The following MCM2 variants were observed in gnomAD, a reference collection of about 807,000 sequenced individuals.
MCM2 encodes the protein DNA replication licensing factor MCM2.
In MCM2, 49 loss-of-function variants were observed where a neutral mutation model predicts 86.4. The observed-to-expected ratio is 0.57, with a 90% CI of 0.45 to 0.72. The LOEUF is 0.72. MCM2 is among the 30% of genes least tolerant of loss of function. The pLI is 0.00. For missense variants in MCM2, 1,038 were observed against 1,259.9 expected (o/e 0.82, Z 2.67); for synonymous variants, 475 against 484.6 (o/e 0.98, Z 0.26).
chr3:127,604,897 C>T lies in MCM2; in HGVS notation c.414C>T (p.Asp138=). The T allele has an allele frequency of 1.2e-6, 2 of 1,608,494 alleles. No homozygotes were observed. The highest frequency in any genetic ancestry group is 1.1e-5 in the South Asian group (1 of 90,486). The change falls in exon 4 of 16, where the codon GAC becomes GAT. Residue 138 remains aspartate, a splice_region_variant and synonymous_variant. Transcript: ENST00000265056. ...LGRMRRGLLY[D]SDEEDEERPA... ...AGCAGGTGTCTCTTGCCTCCCCAGA[C>T]AGCGATGAGGAGGACGAGGAGCGCC...
At chr3:127,609,815 C>T (rs1024543928) in intron 8 of MCM2, among the ~76,000 whole-genome samples, 1 of 149,040 alleles carries the variant, frequency 6.7e-6, no homozygotes, top group Non-Finnish European at 1.5e-5. Context: ...TTCCTTCCTT[C>T]CTCTGTTTCT....
chr3:127,609,644 T>TA (rs34025059), intron 8 of MCM2, among the ~76,000 whole-genome samples: 1 of 151,992 alleles, frequency 6.6e-6, no homozygotes, highest in African/African-American at 2.4e-5. Context: ...ACATCCTTAC[T>TA]GAAGGATGAG....
rs2307313 is a variant in MCM2, at chr3:127,619,192, G to A, written c.2179G>A (p.Ala727Thr). The A allele has an allele frequency of 1.1e-3, 1,780 of 1,614,184 alleles. 15 individuals carry two copies. In the African/African-American group the frequency reaches 0.018, roughly 16 times the overall value. The change falls in exon 13 of 16, where the codon GCC becomes ACC. Residue 727 changes from alanine (A) to threonine (T), a missense_variant. Coordinates refer to ENST00000265056, the MANE Select transcript of MCM2 (RefSeq NM_004526.4). ...GGTCCTGAAGAAGTACATCATCTAC[G>A]CCAAGGAGAGGGTCCACCCGAAGCT... is the stretch of plus-strand genomic sequence containing the variant. ...QEVLKKYIIY[A>T]KERVHPKLNQ...
At chr3:127,610,583 G>A (rs1215484293) in intron 8 of MCM2, among the ~76,000 whole-genome samples, 1 of 152,012 alleles carries the variant, frequency 6.6e-6, no homozygotes, top group African/African-American at 2.4e-5. Flanking sequence ...CACATGCATG[G>A]TTTGTTCTGT....
chr3:127,616,395 G>T (rs2074432136), intron 9 of MCM2, among the ~76,000 whole-genome samples: 1 of 152,080 alleles, frequency 6.6e-6, no homozygotes, highest in African/African-American at 2.4e-5. Flanking sequence ...CAATTACACA[G>T]CAACCACAGG....
intron 8 of MCM2, chr3:127,610,998 G>C (rs2074390365): frequency 2.2e-6 from 1 of 455,802 alleles, no homozygotes; most frequent in Non-Finnish European, 4.4e-6. Context: ...GAGTAAGTCA[G>C]ACATGACCCT....
chr3:127,603,717 A>G (rs1432535601), intron 2 of MCM2, among the ~76,000 whole-genome samples: 1 of 151,828 alleles, frequency 6.6e-6, no homozygotes, highest in East Asian at 1.9e-4. Flanking sequence ...GCTGGAGTGC[A>G]GTGGCACAAT....
intron 9 of MCM2, 112 bp from the exon 10 acceptor site, chr3:127,616,756 G>C: frequency 8.2e-7 from 1 of 1,223,372 alleles, no homozygotes; most frequent in Admixed American, 1.9e-5. Flanking sequence ...TAGAGGGACT[G>C]TGCCTTACCA....
chr3:127,608,700 G>T (rs1057043457), intron 7 of MCM2, 132 bp from the exon 8 acceptor site: 24 of 1,181,740 alleles, frequency 2.0e-5, no homozygotes, highest in South Asian at 2.0e-4. Context: ...GGTTTAGGAG[G>T]GGTTTTACTG....
At chr3:127,608,786 C>A in intron 7 of MCM2, 46 bp from the exon 8 acceptor site, 1 of 1,588,024 alleles carries the variant, frequency 6.3e-7, no homozygotes, top group Non-Finnish European at 8.6e-7. Context: ...CGGAGGTGGG[C>A]ACCCCTGGGT....
At chr3:127,616,043 C>A in intron 9 of MCM2, 88 bp downstream of exon 9, 1 of 1,076,850 alleles carries the variant, frequency 9.3e-7, no homozygotes, top group Non-Finnish European at 1.4e-6. Flanking sequence ...GTTTTTAAAG[C>A]CTGGGTGCTG....
intron 8 of MCM2, among the ~76,000 whole-genome samples, chr3:127,612,233 C>T (rs530341715): frequency 6.6e-6 from 1 of 152,352 alleles, no homozygotes; most frequent in Non-Finnish European, 1.5e-5. Flanking sequence ...GCCCTGCCTG[C>T]CTTCCGTGGG....
In MCM2 at chr3:127,619,255, A is replaced by G; in HGVS notation, c.2242A>G (p.Ser748Gly). Reference sequence around the variant, plus strand: ...CCAGGACAAGGTGGCCAAGATGTACAGTGACCTGAGGAAAGAATCTATGGT... The same window carrying G: ...CCAGGACAAGGTGGCCAAGATGTACGGTGACCTGAGGAAAGAATCTATGGT... ...MDQDKVAKMY[S>G]DLRKESMATG... The change falls in exon 13 of 16, where the codon AGT becomes GGT. Residue 748 changes from serine (S) to glycine (G), a missense_variant. Ser to Gly is a moderately conservative substitution (Grantham distance 56). Coordinates refer to ENST00000265056, the MANE Select transcript of MCM2 (RefSeq NM_004526.4). 3.1e-6 allele frequency: 5 copies of G among 1,614,086 alleles called. No homozygotes were observed. Among genetic ancestry groups the G allele is most frequent in the Non-Finnish European group, 4.2e-6 (5 of 1,179,942 alleles).
intron 9 of MCM2, 137 bp from the exon 10 acceptor site, chr3:127,616,731 C>T: frequency 1.1e-6 from 1 of 943,790 alleles, no homozygotes; most frequent in South Asian, 1.6e-5. Flanking sequence ...TGGCGTAGGG[C>T]ATTGTATCCC....
chr3:127,622,260 G>C lies in MCM2; in HGVS notation c.*487G>C, dbSNP rs975658292. 2 of 154,374 alleles carry C rather than the reference G, an allele frequency of 1.3e-5. No homozygotes were observed. The highest frequency in any genetic ancestry group is 2.4e-5 in the African/African-American group (1 of 41,466). 9.6% of individuals were successfully genotyped at this position (154,374 alleles called of 1,614,324 possible). ...CTGTGGTGGAAGAGGGCACGACAGT[G>C]CCAGCGCAGCGTTCTGGGCTCCTCA... On this transcript the variant is annotated 3_prime_UTR_variant, in exon 16 of 16. Transcript: ENST00000265056.
In MCM2 at chr3:127,604,492, G is replaced by C. The variant is rs966078725; in HGVS notation, c.237-116G>C. 4 of 1,028,872 alleles carry C rather than the reference G, an allele frequency of 3.9e-6. No homozygotes were observed. The African/African-American group carries it at 6.4e-5, about 16-fold the overall frequency. 63.7% of individuals were successfully genotyped at this position (1,028,872 alleles called of 1,614,324 possible). A position where few individuals can be genotyped will look rare whatever the true frequency, so the allele number is the denominator to read the frequency against. On this transcript the variant is annotated intron_variant, in intron 2 of 15. Coordinates refer to ENST00000265056, the MANE Select transcript of MCM2 (RefSeq NM_004526.4). ...TGTGTTTCTGACCTGGAAGCGCTGA[G>C]CCTACCCACAATGGGGCTCCTGAAC...
At position 127,616,550 on chromosome 3, in the gene MCM2, A is replaced by G. The variant is rs2074433682; in HGVS notation, c.1523-318A>G. 2.0e-5 allele frequency among the ~76,000 whole-genome samples: 3 copies of G among 152,180 alleles called. No individual in the cohort carries two copies. The South Asian group carries it at 6.2e-4, about 32-fold the overall frequency. ...TTTTCTTGTTAGTGCATACAGAGCA[A>G]TTGCCTTCTTTTAAATGACTATCAT... On this transcript the variant is annotated intron_variant, in intron 9 of 15. Transcript: ENST00000265056.
chr3:127,604,431 T>C, intron 2 of MCM2, 177 bp from the exon 3 acceptor site: 1 of 630,108 alleles, frequency 1.6e-6, no homozygotes, highest in Non-Finnish European at 2.8e-6. Flanking sequence ...ACAGATCGTG[T>C]TTTGTTCATC....
Position 127,621,222 on chromosome 3 carries a change from G to A in MCM2, c.2598G>A (p.Val866=), listed in dbSNP as rs766178372. The change falls in exon 15 of 16, where the codon GTG becomes GTA. Residue 866 remains valine (V), a synonymous_variant. Transcript: ENST00000265056. ...DTIEVPEKDL[V]DKARQINIHN... ...TTGAGGTCCCTGAGAAGGACTTGGTGGATAAGGTATGGGCCCGGAAGGGAG... is the reference window on the plus strand; with the variant it reads ...TTGAGGTCCCTGAGAAGGACTTGGTAGATAAGGTATGGGCCCGGAAGGGAG... 1 of 1,614,088 alleles carries A rather than the reference G, an allele frequency of 6.2e-7. No homozygotes were observed.
Sources: gnomAD v4.1 joint callset for allele counts (sites outside exome capture counted in the v4.1 genomes callset) on GRCh38, gnomAD v4.1.1 for gene constraint, MANE v1.5 for transcripts, NCBI Gene and HGNC (gene_info 2026-07-23, HGNC 2026-07-21) for gene names.